CTNNA2: variants seen among roughly 807,000 people sequenced by gnomAD.
The protein encoded by CTNNA2 is catenin alpha 2.
CTNNA2 carries 42 observed loss-of-function variants against 101.0 expected under a neutral mutation model. The observed-to-expected ratio is 0.42, with a 90% CI of 0.32 to 0.54. CTNNA2 has a LOEUF of 0.54. Ranked by LOEUF, CTNNA2 falls within the 20% of genes least tolerant of loss-of-function variation. The pLI, the probability that CTNNA2 is intolerant of heterozygous loss-of-function variation, is 0.14. For missense variants in CTNNA2, 871 were observed against 1,223.1 expected, an observed-to-expected ratio of 0.71 and a Z score of 4.29; for synonymous variants, 450 against 456.4, an observed-to-expected ratio of 0.99 and a Z score of 0.18.
chr2:80,256,529 G>T (rs1573526894), intron 7 of CTNNA2, among the ~76,000 whole-genome samples: 1 of 152,116 alleles, frequency 6.6e-6, no homozygotes, highest in African/African-American at 2.4e-5. Context: ...CTCATTTGTT[G>T]CACCATCTAG....
intron 7 of CTNNA2, among the ~76,000 whole-genome samples, chr2:79,917,093 G>T (rs1445290470): frequency 6.7e-6 from 1 of 149,128 alleles, no homozygotes; most frequent in East Asian, 2.0e-4. Context: ...ATTTTTTTGA[G>T]ACGGAGTCTT....
chr2:80,383,265 G>A (rs1351834818), intron 7 of CTNNA2, among the ~76,000 whole-genome samples: 4 of 152,252 alleles, frequency 2.6e-5, no homozygotes, highest in Admixed American at 2.6e-4. Flanking sequence ...TGTGAAGTGG[G>A]TGAAATTTAT....
At chr2:80,182,637 G>A (rs1249876739) in intron 7 of CTNNA2, among the ~76,000 whole-genome samples, 1 of 152,156 alleles carries the variant, frequency 6.6e-6, no homozygotes, top group Admixed American at 6.5e-5. Flanking sequence ...CAAATAGGGT[G>A]GTGTGATAGA....
intron 7 of CTNNA2, among the ~76,000 whole-genome samples, chr2:80,376,360 C>T (rs1338895207): frequency 6.6e-6 from 1 of 151,772 alleles, no homozygotes; most frequent in African/African-American, 2.4e-5. Context: ...TTTTAGGTCA[C>T]ACCTTCATTA....
At chr2:79,323,171 A>G (rs1676663572) in intron 3 of CTNNA2, among the ~76,000 whole-genome samples, 2 of 152,290 alleles carry the variant, frequency 1.3e-5, no homozygotes, top group Admixed American at 1.3e-4. Flanking sequence ...AGGATCTAAC[A>G]TCAGCCACTC....
At chr2:80,590,097 C>G (rs1224186172) in intron 15 of CTNNA2, among the ~76,000 whole-genome samples, 1 of 152,188 alleles carries the variant, frequency 6.6e-6, no homozygotes, top group Non-Finnish European at 1.5e-5. Context: ...TTTGACAAAT[C>G]AAGTGACCAG....
intron 7 of CTNNA2, among the ~76,000 whole-genome samples, chr2:80,372,247 C>T (rs975712259): frequency 1.4e-5 from 2 of 145,272 alleles, no homozygotes; most frequent in Non-Finnish European, 3.1e-5. Context: ...GCTGTGGAAC[C>T]CCAGAACCTC....
chr2:80,445,077 T>G (rs1274547682), intron 9 of CTNNA2, among the ~76,000 whole-genome samples: 1 of 152,210 alleles, frequency 6.6e-6, no homozygotes, highest in Non-Finnish European at 1.5e-5. Context: ...TGTCTTAACC[T>G]TGTCTTAATT....
At chr2:80,600,350 G>A (rs1697375221) in intron 15 of CTNNA2, among the ~76,000 whole-genome samples, 2 of 151,846 alleles carry the variant, frequency 1.3e-5, no homozygotes, top group Non-Finnish European at 2.9e-5. Flanking sequence ...TAGTGTAAAT[G>A]ATGAATACAT....
At chr2:80,428,387 A>T (rs1371623531) in intron 9 of CTNNA2, among the ~76,000 whole-genome samples, 1 of 152,220 alleles carries the variant, frequency 6.6e-6, no homozygotes, top group African/African-American at 2.4e-5. Context: ...GTCCAATGAT[A>T]TTGCAATAGT....
chr2:80,046,822 T>G (rs893530272), intron 7 of CTNNA2, among the ~76,000 whole-genome samples: 3 of 152,226 alleles, frequency 2.0e-5, no homozygotes, highest in Admixed American at 2.0e-4. Flanking sequence ...AACCAACATG[T>G]ACTCTAGGTA....
chr2:79,878,796 T>C (rs533714637), intron 6 of CTNNA2, among the ~76,000 whole-genome samples: 1 of 152,344 alleles, frequency 6.6e-6, no homozygotes, highest in Non-Finnish European at 1.5e-5. Flanking sequence ...CTGATGATTC[T>C]TTTGCTGTGC....
chr2:80,014,406 T>C, intron 7 of CTNNA2, among the ~76,000 whole-genome samples: 1 of 151,960 alleles, frequency 6.6e-6, no homozygotes, highest in Admixed American at 6.6e-5. Context: ...GTTTTTTTTT[T>C]TTTAAAGTTT....
chr2:79,829,410 CACACAGACACAA>C (rs1305157333), intron 3 of CTNNA2, among the ~76,000 whole-genome samples: 128 of 129,892 alleles, frequency 9.9e-4, no homozygotes, highest in East Asian at 2.5e-3. Flanking sequence ...CACACACACA[CACACAGACACAA>C]AGCCGGGCGA....
chr2:79,315,206 C>T (rs551496403), intron 3 of CTNNA2, among the ~76,000 whole-genome samples: 1 of 152,162 alleles, frequency 6.6e-6, no homozygotes, highest in South Asian at 2.1e-4. Flanking sequence ...CTATTTATTT[C>T]TTGACTTATT....
chr2:80,642,549 A>G lies in CTNNA2; in HGVS notation c.2575-5036A>G, dbSNP rs371359147. 9.9e-5 allele frequency among the ~76,000 whole-genome samples: 15 copies of G among 152,270 alleles called. No homozygotes were observed. The South Asian group carries it at 2.1e-3, about 21-fold the overall frequency. ...GAAAAATGTAGGGATAGACTGGAGGATAAAAAGTCAGTGATAATTCAACAT... is the reference window on the plus strand; with the variant it reads ...GAAAAATGTAGGGATAGACTGGAGGGTAAAAAGTCAGTGATAATTCAACAT... On this transcript the variant is annotated intron_variant, in intron 18 of 18. Transcript: ENST00000402739.
Position 79,187,080 on chromosome 2 carries a change from T to C in CTNNA2, c.-524+1649T>C, listed in dbSNP as rs1418026482. On this transcript the variant is annotated intron_variant, in intron 1 of 21. Coordinates refer to the CTNNA2 transcript ENST00000466387. ...ATTTATAGCTGATTATTGAAAATAATGGTGGAATGGGGGTGTTTATGAATG... is the reference window on the plus strand; with the variant it reads ...ATTTATAGCTGATTATTGAAAATAACGGTGGAATGGGGGTGTTTATGAATG... Among the ~76,000 whole-genome samples the C allele has an allele frequency of 2.0e-5, 3 of 152,060 alleles. No homozygotes were observed. In the East Asian group the frequency reaches 5.8e-4, roughly 29 times the overall value.
intron 7 of CTNNA2, among the ~76,000 whole-genome samples, chr2:80,067,717 G>T (rs1167934272): frequency 6.6e-6 from 1 of 152,156 alleles, no homozygotes; most frequent in Non-Finnish European, 1.5e-5. Context: ...GGTCATAAAA[G>T]ACATCGCGGC....
At chr2:79,915,988 A>G (rs773683579) in intron 7 of CTNNA2, among the ~76,000 whole-genome samples, 46 of 152,212 alleles carry the variant, frequency 3.0e-4, no homozygotes, top group Admixed American at 1.2e-3. Context: ...TATGGGAAGC[A>G]TGAAAAAGAC....
Sources: gnomAD v4.1 joint callset for allele counts (sites outside exome capture counted in the v4.1 genomes callset) on GRCh38, gnomAD v4.1.1 for gene constraint, MANE v1.5 for transcripts, NCBI Gene and HGNC (gene_info 2026-07-23, HGNC 2026-07-21) for gene names.